CNTN3: variants seen among roughly 807,000 people sequenced by gnomAD.
CNTN3 encodes contactin-3.
CNTN3 carries 60 observed loss-of-function variants against 119.1 expected under a neutral mutation model. The ratio of observed to expected loss-of-function variants is 0.50; its 90% confidence interval spans 0.41 to 0.62. CNTN3 has a LOEUF of 0.62. Ranked by LOEUF, CNTN3 falls within the 20% of genes least tolerant of loss-of-function variation. The pLI is 0.00. For synonymous variants in CNTN3, 450 were observed against 438.7 expected, an observed-to-expected ratio of 1.03 and a Z score of -0.32; for missense variants, 1,101 against 1,242.4, an observed-to-expected ratio of 0.89 and a Z score of 1.71.
At chr3:74,461,973 G>C (rs1051917388) in intron 4 of CNTN3, among the ~76,000 whole-genome samples, 2 of 152,030 alleles carry the variant, frequency 1.3e-5, no homozygotes, top group Non-Finnish European at 2.9e-5. Context: ...AATGCCATTG[G>C]GGATTGGAGG....
chr3:74,434,864 T>C (rs954628740), intron 4 of CNTN3, among the ~76,000 whole-genome samples: 1 of 152,244 alleles, frequency 6.6e-6, no homozygotes, highest in African/African-American at 2.4e-5. Flanking sequence ...CAATGATATG[T>C]CCATCAAATT....
intron 13 of CNTN3, among the ~76,000 whole-genome samples, chr3:74,330,893 G>C (rs921899490): frequency 6.6e-6 from 1 of 152,038 alleles, no homozygotes; most frequent in Non-Finnish European, 1.5e-5. Flanking sequence ...ATTGACTAAG[G>C]ATATAAATAA....
chr3:74,464,509 C>A (rs190729607), intron 4 of CNTN3, among the ~76,000 whole-genome samples: 5 of 152,124 alleles, frequency 3.3e-5, no homozygotes, highest in African/African-American at 1.2e-4. Flanking sequence ...GAAGGATATG[C>A]TTACAGCTTA....
chr3:74,363,266 T>C (rs1704116918), intron 10 of CNTN3, among the ~76,000 whole-genome samples: 1 of 152,180 alleles, frequency 6.6e-6, no homozygotes, highest in Non-Finnish European at 1.5e-5. Flanking sequence ...CATTTCTAAC[T>C]GCCAGGCACT....
intron 18 of CNTN3, among the ~76,000 whole-genome samples, chr3:74,295,549 T>C (rs766443749): frequency 6.6e-6 from 1 of 152,190 alleles, no homozygotes; most frequent in Non-Finnish European, 1.5e-5. Flanking sequence ...CTTATTTCCT[T>C]CCCTTCATCT....
intron 1 of CNTN3, among the ~76,000 whole-genome samples, chr3:74,599,810 G>A (rs1288916854): frequency 6.6e-6 from 1 of 152,058 alleles, no homozygotes; most frequent in Non-Finnish European, 1.5e-5. Context: ...TCTCCCAGAG[G>A]TGAGTAATGA....
intron 10 of CNTN3, among the ~76,000 whole-genome samples, chr3:74,364,256 C>A (rs969125030): frequency 6.6e-6 from 1 of 152,018 alleles, no homozygotes; most frequent in Non-Finnish European, 1.5e-5. Context: ...ATTAACTTAA[C>A]CCTTGGTCCT....
intron 6 of CNTN3, 65 bp downstream of exon 6, chr3:74,371,131 A>G (rs1704327624): frequency 1.0e-5 from 12 of 1,165,800 alleles, no homozygotes; most frequent in Admixed American, 3.9e-5. Flanking sequence ...CATTTTCCCA[A>G]TTGCTTTTGT....
rs570077438 is a variant in CNTN3 at position 74,533,674 on chromosome 3, C to T, written c.-80-12482G>A. Among the ~76,000 whole-genome samples the T allele has an allele frequency of 3.3e-5, 5 of 152,106 alleles. No individual in the cohort carries two copies. The South Asian group carries it at 1.0e-3, about 32-fold the overall frequency. Reference sequence around the variant, plus strand: ...CCTGGGTATTATTATTTGGCTTAATCTGTTTCAGGTTTACCCTAAGGCTTG... The same window carrying T: ...CCTGGGTATTATTATTTGGCTTAATTTGTTTCAGGTTTACCCTAAGGCTTG... On this transcript the variant is annotated intron_variant, in intron 1 of 22. Coordinates refer to ENST00000263665, the MANE Select transcript of CNTN3 (RefSeq NM_020872.3).
At chr3:74,278,526 A>T (rs1023237464) in intron 20 of CNTN3, among the ~76,000 whole-genome samples, 1 of 152,188 alleles carries the variant, frequency 6.6e-6, no homozygotes, top group African/African-American at 2.4e-5. Context: ...CCTTTTCAAC[A>T]AATGGTGCTG....
intron 11 of CNTN3, among the ~76,000 whole-genome samples, chr3:74,341,039 T>A (rs1010252842): frequency 1.3e-5 from 2 of 152,124 alleles, no homozygotes; most frequent in African/African-American, 4.8e-5. Flanking sequence ...CATGTTGAAA[T>A]GAGACAAAAC....
In CNTN3 at chr3:74,506,694, T is replaced by TGTACA. The variant is rs537117720; in HGVS notation, c.56-6914_56-6910dup. On this transcript the variant is annotated intron_variant, in intron 2 of 22. Coordinates refer to ENST00000263665, the MANE Select transcript of CNTN3 (RefSeq NM_020872.3). ...CCATTGTTGGATGCAATATGCAATG[T>TGTACA]GTACAATACACCAGGAGAACACAGT... is the stretch of plus-strand genomic sequence containing the variant. Among the ~76,000 whole-genome samples, 10 of 150,536 alleles carry TGTACA rather than the reference T, an allele frequency of 6.6e-5. No homozygotes were observed. In the East Asian group the frequency reaches 2.0e-3, roughly 30 times the overall value.
intron 5 of CNTN3, among the ~76,000 whole-genome samples, chr3:74,381,053 GTT>G (rs199984955): frequency 2.1e-5 from 3 of 143,980 alleles, no homozygotes; most frequent in Admixed American, 1.4e-4. Flanking sequence ...TGGAGAAATT[GTT>G]TTTTTTTTTC....
intron 5 of CNTN3, among the ~76,000 whole-genome samples, chr3:74,386,247 T>C (rs1276343898): frequency 6.6e-6 from 1 of 152,186 alleles, no homozygotes; most frequent in African/African-American, 2.4e-5. Context: ...GTGTTTAAGA[T>C]CTCTTCTAAT....
chr3:74,463,790 G>A (rs979734462), intron 4 of CNTN3, among the ~76,000 whole-genome samples: 6 of 152,236 alleles, frequency 3.9e-5, no homozygotes, highest in South Asian at 2.1e-4. Context: ...CTAATGAAAT[G>A]ACGCTGTTGT....
rs752126270 is a variant in CNTN3 at position 74,499,622 on chromosome 3, GT to G, written c.182+36del. Reference sequence around the variant, plus strand: ...CACAATCACCACATAAGTGTGTTTAGTTTTTTTTATTTGAATTTTCAAACTT... The same window carrying G: ...CACAATCACCACATAAGTGTGTTTAGTTTTTTTATTTGAATTTTCAAACTT... On this transcript the variant is annotated intron_variant, in intron 3 of 22. Transcript: ENST00000263665. 30 of 1,572,644 alleles carry G rather than the reference GT, an allele frequency of 1.9e-5. No individual in the cohort carries two copies. The Middle Eastern group carries it at 5.2e-4, about 27-fold the overall frequency.
Position 74,553,495 on chromosome 3 carries a change from C to T in CNTN3, c.-80-32303G>A, listed in dbSNP as rs182104912. Among the ~76,000 whole-genome samples the T allele has an allele frequency of 3.8e-3, 573 of 152,226 alleles. 6 individuals are homozygous for T. The highest frequency in any genetic ancestry group is 0.013 in the African/African-American group (557 of 41,514). The stretch of plus-strand genomic sequence containing the variant: ...CAAATGGTATTTCTAGTTCTAGATC[C>T]TTGAGGAATCGCCACTCTGTCTTCC... On this transcript the variant is annotated intron_variant, in intron 1 of 22. Transcript: ENST00000263665.
At chr3:74,567,927 G>A (rs1345838400) in intron 1 of CNTN3, among the ~76,000 whole-genome samples, 1 of 152,150 alleles carries the variant, frequency 6.6e-6, no homozygotes. Flanking sequence ...ATGTGCGTTA[G>A]CAAGATTTTA....
rs187349680 is a variant in CNTN3, at chr3:74,523,718, A to G, written c.-80-2526T>C. Among the ~76,000 whole-genome samples, 149 of 152,050 alleles carry G rather than the reference A, an allele frequency of 9.8e-4. 1 individual carries two copies. The highest frequency in any genetic ancestry group is 4.9e-3 in the Admixed American group (75 of 15,258). ...ATTATCATCCTCATCTTTAATATCA[A>G]AAACTATTCAAATAAATATATGAAG... On this transcript the variant is annotated intron_variant, in intron 1 of 22. Transcript: ENST00000263665.
Sources: allele counts gnomAD v4.1 joint callset (sites outside exome capture counted in the v4.1 genomes callset), GRCh38; gene constraint gnomAD v4.1.1; transcripts MANE v1.5; gene names NCBI Gene and HGNC (gene_info 2026-07-23, HGNC 2026-07-21).